The following SH3D21 variants were observed in gnomAD, a reference collection of about 807,000 sequenced individuals.
SH3D21 encodes the protein manchette microtubule inner protein 1.
In SH3D21, 83 loss-of-function variants were observed where a neutral mutation model predicts 82.1. The ratio of observed to expected loss-of-function variants is 1.01; its 90% confidence interval spans 0.85 to 1.21. SH3D21 has a LOEUF of 1.21. Ranked by LOEUF, SH3D21 falls within the 50% of genes most tolerant of loss-of-function variation. SH3D21 has a pLI of 0.00. For missense variants in SH3D21, 980 were observed against 962.1 expected (o/e 1.02, Z -0.25); for synonymous variants, 383 against 387.8 (o/e 0.99, Z 0.15).
rs142189049 is a variant in SH3D21 at position 36,310,770 on chromosome 1, G to A, written c.769+1180G>A. On this transcript the variant is annotated intron_variant, in intron 10 of 15. Coordinates refer to ENST00000453908, the MANE Select transcript of SH3D21 (RefSeq NM_001162530.2). ...CACTGTCTTCAATTTTATGTTTATGGTTCCCCCAAGTTTTTAAGTTTTCTT... is the reference window on the plus strand; with the variant it reads ...CACTGTCTTCAATTTTATGTTTATGATTCCCCCAAGTTTTTAAGTTTTCTT... 7.0e-3 allele frequency among the ~76,000 whole-genome samples: 1,062 copies of A among 152,034 alleles called. 9 individuals are homozygous for A. The highest frequency in any genetic ancestry group is 0.011 in the Non-Finnish European group (737 of 67,972).
Position 36,307,515 on chromosome 1 carries a change from A to C in SH3D21, c.346-2A>C. On this transcript the variant is annotated splice_acceptor_variant, in intron 4 of 15. Transcript: ENST00000453908. LOFTEE classifies it high-confidence loss of function. This position sits in a 1 kb window ranked among gnomAD's most constrained non-coding sequence, Gnocchi z 5.4. Reference sequence around the variant, plus strand: ...CGCCTCTGCGTCCTCCCCTCTCCCCAGATTGAGGACGGCTGGTGGCTGGGG... The same window carrying C: ...CGCCTCTGCGTCCTCCCCTCTCCCCCGATTGAGGACGGCTGGTGGCTGGGG... 1 of 1,551,580 alleles carries C rather than the reference A, an allele frequency of 6.4e-7. No individual in the cohort carries two copies. Among genetic ancestry groups the C allele is most frequent in the Non-Finnish European group, 8.7e-7 (1 of 1,146,910 alleles).
chr1:36,314,294 A>G (rs1442366647), intron 10 of SH3D21, among the ~76,000 whole-genome samples: 1 of 151,130 alleles, frequency 6.6e-6, no homozygotes, highest in Non-Finnish European at 1.5e-5. Context: ...GCATATTTTC[A>G]TGTGCTTATT....
chr1:36,307,664 G>T lies in SH3D21; in HGVS notation c.436+57G>T, dbSNP rs1270834232. On this transcript the variant is annotated intron_variant, in intron 5 of 15. Transcript: ENST00000453908. This position sits in a 1 kb window ranked among gnomAD's most constrained non-coding sequence, Gnocchi z 5.4. ...GCAATCTCCAATGACCCTCCCAGTG[G>T]CATGAGCCTGTGATTCACATATCCT... 1 of 1,543,244 alleles carries T rather than the reference G, an allele frequency of 6.5e-7. No individual in the cohort carries two copies. The highest frequency in any genetic ancestry group is 8.8e-7 in the Non-Finnish European group (1 of 1,140,728).
At chr1:36,308,048 G>C in intron 7 of SH3D21, 61 bp from the exon 8 acceptor site, 1 of 1,548,824 alleles carries the variant, frequency 6.5e-7, no homozygotes, top group Non-Finnish European at 8.7e-7. Flanking sequence ...GATGGAGGTG[G>C]GGGCTGCTGA....
Position 36,320,920 on chromosome 1 carries a change from A to G in SH3D21, c.2141A>G (p.Lys714Arg), listed in dbSNP as rs200307550. The change falls in exon 15 of 16, where the codon AAG (lysine) becomes AGG (arginine). Residue 714 changes from lysine (K) to arginine (R), a missense_variant. Coordinates refer to ENST00000453908, the MANE Select transcript of SH3D21 (RefSeq NM_001162530.2). ...ACCTCCGCCTCGGCCCGCAGGAGGA[A>G]GCTGACCGACATCTGGGAGGAGCTG... is the stretch of plus-strand genomic sequence containing the variant. ...LELMEVQLER[K>R]LTDIWEELKS... The G allele has an allele frequency of 2.8e-4, 445 of 1,563,882 alleles. 1 individual carries two copies. The African/African-American group carries it at 5.4e-3, about 19-fold the overall frequency.
intron 10 of SH3D21, among the ~76,000 whole-genome samples, chr1:36,316,512 GGCGTGAGCCACC>G (rs1646346096): frequency 6.6e-6 from 1 of 152,238 alleles, no homozygotes; most frequent in African/African-American, 2.4e-5. Context: ...TGGGATTACA[GGCGTGAGCCACC>G]GCGCCTGGCC....
At chr1:36,327,955 G>A (rs1307203806), downstream of SH3D21, 7 of 1,017,964 alleles carry the variant, frequency 6.9e-6, no homozygotes, top group Admixed American at 1.2e-4. Context: ...TCGGATCTCT[G>A]CACGTGTGTC....
chr1:36,321,078 A>G lies in SH3D21; in HGVS notation c.2222A>G (p.Gln741Arg). Residue 741 changes from glutamine (Q) to arginine (R), a missense_variant, in exon 16 of 16, where the codon CAG becomes CGG. By Grantham distance (43) the Gln-to-Arg change is conservative (BLOSUM62 1). Coordinates refer to ENST00000453908, the MANE Select transcript of SH3D21 (RefSeq NM_001162530.2). This position sits in a 1 kb window ranked among gnomAD's most constrained non-coding sequence, Gnocchi z 6.1. The part of the protein sequence containing the change: ...RLEVQVMQGT[Q>R]KSQTPRVIHT... ...CAGGTCCAGGTGATGCAGGGGACCC[A>G]GAAGTCCCAGACCCCGCGCGTCATC... is the stretch of plus-strand genomic sequence containing the variant. The G allele has an allele frequency of 6.2e-7, 1 of 1,612,336 alleles. No individual in the cohort carries two copies. Among genetic ancestry groups the G allele is most frequent in the Non-Finnish European group, 8.5e-7 (1 of 1,179,492 alleles).
chr1:36,312,170 G>A (rs148978376), intron 10 of SH3D21, among the ~76,000 whole-genome samples: 4,063 of 151,840 alleles, frequency 0.027, 79 homozygotes, highest in Non-Finnish European at 0.041. Context: ...GACTACAGAC[G>A]CCCGCTACCA....
chr1:36,317,619 G>C (rs1284430335), intron 10 of SH3D21, among the ~76,000 whole-genome samples: 1 of 152,130 alleles, frequency 6.6e-6, no homozygotes, highest in Non-Finnish European at 1.5e-5. Flanking sequence ...CTGGAGTCCA[G>C]TGGCGCGATC....
At position 36,307,216 on chromosome 1, in the gene SH3D21, C is replaced by A. The variant is rs1282763176; in HGVS notation, c.276C>A (p.Phe92Leu). Residue 92 changes from phenylalanine (F) to leucine (L), a missense_variant, in exon 4 of 16, where the codon TTC (phenylalanine) becomes TTA (leucine). Transcript: ENST00000453908. This position sits in a 1 kb window ranked among gnomAD's most constrained non-coding sequence, Gnocchi z 5.4. ...CCCAAAGATGGTGCAAAGTGAACTT[C>A]AGCTACAGCCCAGAGCAGGCGGACG... ...PRPQRWCKVN[F>L]SYSPEQADEL... The A allele has an allele frequency of 6.4e-7, 1 of 1,551,802 alleles. No individual in the cohort carries two copies. The highest frequency in any genetic ancestry group is 2.0e-5 in the Admixed American group (1 of 51,014).
Position 36,319,898 on chromosome 1 carries a change from A to G in SH3D21, c.1235A>G (p.Lys412Arg), listed in dbSNP as rs1646415701. 1 of 1,614,004 alleles carries G rather than the reference A, an allele frequency of 6.2e-7. No homozygotes were observed. Among genetic ancestry groups the G allele is most frequent in the Non-Finnish European group, 8.5e-7 (1 of 1,179,986 alleles). ...STSGKIPAPD[K>R]VPTPEKMVTP... ...TCGGGGAAGATCCCAGCTCCTGACAAAGTCCCCACCCCAGAGAAGATGGTG... is the reference window on the plus strand; with the variant it reads ...TCGGGGAAGATCCCAGCTCCTGACAGAGTCCCCACCCCAGAGAAGATGGTG... The change falls in exon 14 of 16, where the codon AAA becomes AGA. Residue 412 changes from lysine to arginine, a missense_variant. Transcript: ENST00000453908.
Position 36,319,330 on chromosome 1 carries a change from C to A in SH3D21, c.916+18C>A. ...AGACTCAGGCAAGGGCTGCCTTCCT[C>A]CAGTGCGGGGAGGACTGGAGGACAG... On this transcript the variant is annotated intron_variant, in intron 12 of 15. Transcript: ENST00000453908. 6.4e-7 allele frequency: 1 copy of A among 1,551,594 alleles called. No individual in the cohort carries two copies. The highest frequency in any genetic ancestry group is 1.2e-5 in the South Asian group (1 of 84,038).
chr1:36,314,712 C>A (rs549382355), intron 10 of SH3D21, among the ~76,000 whole-genome samples: 1 of 152,110 alleles, frequency 6.6e-6, no homozygotes. Context: ...CCTCGGCCTC[C>A]CAAAGTTTTT....
At chr1:36,326,818 T>A (rs1646550680), downstream of SH3D21, among the ~76,000 whole-genome samples, 1 of 152,164 alleles carries the variant, frequency 6.6e-6, no homozygotes. Context: ...TAGAACACTT[T>A]CATACTGGGC....
intron 10 of SH3D21, among the ~76,000 whole-genome samples, chr1:36,311,404 C>G (rs1413966506): frequency 6.6e-6 from 1 of 151,948 alleles, no homozygotes; most frequent in Non-Finnish European, 1.5e-5. Flanking sequence ...TCACGCCCAG[C>G]TAATTTTTTG....
At chr1:36,323,309 G>C (rs936714586), downstream of SH3D21, 1 of 430,358 alleles carries the variant, frequency 2.3e-6, no homozygotes, top group Admixed American at 4.4e-5. Context: ...GAGGTCCCCA[G>C]CTGAGGCCCG....
intron 9 of SH3D21, 55 bp downstream of exon 9, chr1:36,308,530 G>A (rs1646176709): frequency 1.3e-6 from 2 of 1,483,090 alleles, no homozygotes; most frequent in South Asian, 1.2e-5. Context: ...TTGGACAAAG[G>A]TGGGGATCAT....
At chr1:36,319,590 A>G (rs1646408157) in intron 13 of SH3D21, 54 bp downstream of exon 13, 2 of 1,551,044 alleles carry the variant, frequency 1.3e-6, no homozygotes, top group Non-Finnish European at 1.7e-6. Context: ...GCTGGTTCCC[A>G]GCTGTGGTGT....
Sources: gnomAD v4.1 joint callset for allele counts (sites outside exome capture counted in the v4.1 genomes callset) on GRCh38, gnomAD v4.1.1 for gene constraint, Gnocchi (gnomAD v3.1) non-coding constraint, MANE v1.5 for transcripts, NCBI Gene and HGNC (gene_info 2026-07-23, HGNC 2026-07-21) for gene names.